Variants in RELN observed in about 807,000 individuals in gnomAD.
RELN encodes the protein reelin.
RELN carries 108 observed loss-of-function variants against 427.6 expected under a neutral mutation model. That is an observed-to-expected ratio of 0.25 (90% CI 0.22 to 0.30). The LOEUF is 0.30. Ranked by LOEUF, RELN falls within the 10% of genes least tolerant of loss-of-function variation. The pLI is 1.00. For synonymous variants in RELN, 1,524 were observed against 1,513.4 expected (o/e 1.01, Z -0.16); for missense variants, 3,715 against 4,302.8 (o/e 0.86, Z 3.82).
At chr7:103,698,149 G>T (rs908400303) in intron 9 of RELN, 56 bp from the exon 10 acceptor site, 3 of 1,607,888 alleles carry the variant, frequency 1.9e-6, no homozygotes, top group Non-Finnish European at 2.5e-6. Flanking sequence ...CTTTCTTAGA[G>T]ATGAATTTTG....
At chr7:103,742,081 G>A (rs562014732) in intron 6 of RELN, among the ~76,000 whole-genome samples, 37 of 152,228 alleles carry the variant, frequency 2.4e-4, no homozygotes, top group African/African-American at 8.4e-4. Flanking sequence ...CCACAGGAAC[G>A]ATCAGGCAGC....
At chr7:103,946,241 A>G (rs1796217991) in intron 1 of RELN, among the ~76,000 whole-genome samples, 1 of 152,228 alleles carries the variant, frequency 6.6e-6, no homozygotes, top group Admixed American at 6.5e-5. Context: ...ACTTACTAAA[A>G]CTAATTAAAA....
chr7:103,864,768 T>C (rs1276770413), intron 2 of RELN, among the ~76,000 whole-genome samples: 1 of 151,898 alleles, frequency 6.6e-6, no homozygotes, highest in African/African-American at 2.4e-5. Context: ...AAAACTGAGT[T>C]TGGCTTTTAA....
chr7:103,864,835 A>C (rs1273957910), intron 2 of RELN, among the ~76,000 whole-genome samples: 1 of 152,114 alleles, frequency 6.6e-6, no homozygotes, highest in African/African-American at 2.4e-5. Context: ...AGGTTAAAAA[A>C]AATTGGAAAT....
At chr7:103,918,455 T>A (rs1257835559) in intron 1 of RELN, among the ~76,000 whole-genome samples, 2 of 152,134 alleles carry the variant, frequency 1.3e-5, no homozygotes, top group African/African-American at 2.4e-5. Context: ...CCATCTGATA[T>A]CATCTAAAAT....
At chr7:103,497,654 G>T (rs115858783) in intron 55 of RELN, among the ~76,000 whole-genome samples, 166 bp downstream of exon 55, 2 of 152,254 alleles carry the variant, frequency 1.3e-5, no homozygotes, top group South Asian at 4.2e-4. Flanking sequence ...TAACACAGAA[G>T]TCACTTGTAC....
intron 16 of RELN, among the ~76,000 whole-genome samples, chr7:103,645,712 C>T (rs1832784110): frequency 6.6e-6 from 1 of 151,570 alleles, no homozygotes. Context: ...ACTGACAGCA[C>T]CATACAGATC....
chr7:103,790,791 G>T (rs1792143403), intron 3 of RELN, among the ~76,000 whole-genome samples: 1 of 152,038 alleles, frequency 6.6e-6, no homozygotes, highest in Non-Finnish European at 1.5e-5. Flanking sequence ...GTGAAACCCT[G>T]TCTCTACTGA....
chr7:103,575,490 AG>A (rs1830976984), intron 29 of RELN, 57 bp downstream of exon 29: 2 of 1,511,280 alleles, frequency 1.3e-6, no homozygotes, highest in African/African-American at 2.7e-5. Flanking sequence ...CATGAAACAC[AG>A]CAACTAGAGA....
chr7:103,633,029 A>T (rs1319986943), intron 19 of RELN, among the ~76,000 whole-genome samples: 1 of 152,172 alleles, frequency 6.6e-6, no homozygotes, highest in African/African-American at 2.4e-5. Context: ...TTAGTTCACA[A>T]GACATTCTAG....
At chr7:103,596,691 G>A in intron 24 of RELN, 30 bp from the exon 25 acceptor site, 1 of 1,593,038 alleles carries the variant, frequency 6.3e-7, no homozygotes, top group Non-Finnish European at 8.6e-7. Context: ...ATCAAATTCA[G>A]TAATCTGGGA....
chr7:103,485,351 G>A (rs17150781), intron 61 of RELN, among the ~76,000 whole-genome samples: 20,285 of 151,252 alleles, frequency 0.13, 1,739 homozygotes, highest in East Asian at 0.29. Context: ...CTGCCTTTCC[G>A]CTTGTGAAAA....
chr7:103,744,749 G>A (rs1172637151), intron 6 of RELN, among the ~76,000 whole-genome samples: 4 of 152,090 alleles, frequency 2.6e-5, no homozygotes, highest in Non-Finnish European at 5.9e-5. Context: ...CCAATAACAG[G>A]CTCTGAAATT....
intron 3 of RELN, among the ~76,000 whole-genome samples, chr7:103,820,850 A>G (rs1792995830): frequency 6.6e-6 from 1 of 152,056 alleles, no homozygotes; most frequent in African/African-American, 2.4e-5. Flanking sequence ...AGTAACTGAT[A>G]ATAGCACACA....
chr7:103,573,631 A>C lies in RELN; in HGVS notation c.4511+461T>G, dbSNP rs1445883309. Among the ~76,000 whole-genome samples, 1 of 152,206 alleles carries C rather than the reference A, an allele frequency of 6.6e-6. No homozygotes were observed. The highest frequency in any genetic ancestry group is 1.5e-5 in the Non-Finnish European group (1 of 68,038). On this transcript the variant is annotated intron_variant, in intron 30 of 64. Coordinates refer to ENST00000428762, the MANE Select transcript of RELN (RefSeq NM_005045.4). The surrounding 1 kb of genome is among the most constrained non-coding windows in gnomAD (Gnocchi z 4.4). ...TATTTCATTTGATCTTAAAAACCAA[A>C]CAGTTCTTTATTTTACCAGTAGGTG... is the stretch of plus-strand genomic sequence containing the variant.
chr7:103,853,251 A>ACATT lies in RELN; in HGVS notation c.338-19583_338-19580dup, dbSNP rs563233250. ...AATGACATTGAGATTATTTGAATACACATTCACTTGAAAGATCACAAAGAA... is the reference window on the plus strand; with the variant it reads ...AATGACATTGAGATTATTTGAATACACATTCATTCACTTGAAAGATCACAAAGAA... On this transcript the variant is annotated intron_variant, in intron 2 of 64. Transcript: ENST00000428762. 1.6e-4 allele frequency among the ~76,000 whole-genome samples: 24 copies of ACATT among 152,238 alleles called. No homozygotes were observed. The East Asian group carries it at 4.4e-3, about 28-fold the overall frequency.
chr7:103,521,225 C>T (rs899183565), intron 48 of RELN, among the ~76,000 whole-genome samples: 11 of 150,698 alleles, frequency 7.3e-5, no homozygotes, highest in East Asian at 3.9e-4. Flanking sequence ...ATGATCCACC[C>T]GCCTCGGCCT....
At chr7:103,637,247 T>A (rs1243372146) in intron 17 of RELN, among the ~76,000 whole-genome samples, 1 of 152,204 alleles carries the variant, frequency 6.6e-6, no homozygotes, top group Non-Finnish European at 1.5e-5. Flanking sequence ...AGGAAATAGT[T>A]TCAAATTATT....
At chr7:103,625,035 C>A (rs893863017) in intron 20 of RELN, among the ~76,000 whole-genome samples, 20 of 152,268 alleles carry the variant, frequency 1.3e-4, no homozygotes, top group African/African-American at 4.8e-4. Flanking sequence ...TAATGATAAA[C>A]AAAAACTATA....
Sources: gnomAD v4.1 joint callset for allele counts (sites outside exome capture counted in the v4.1 genomes callset) on GRCh38, gnomAD v4.1.1 for gene constraint, Gnocchi (gnomAD v3.1) non-coding constraint, MANE v1.5 for transcripts, NCBI Gene and HGNC (gene_info 2026-07-23, HGNC 2026-07-21) for gene names.